The following ZNF354A variants were observed in gnomAD, a reference collection of about 807,000 sequenced individuals.
The protein encoded by ZNF354A is epididymis luminal protein 104.
A neutral mutation model predicts 53.3 loss-of-function variants in ZNF354A; 25 were observed. The observed-to-expected ratio is 0.47, with a 90% CI of 0.34 to 0.66. The LOEUF (loss-of-function observed/expected upper bound fraction) is 0.66, where lower values mean the gene tolerates loss of function less well. ZNF354A is among the 30% of genes least tolerant of loss of function. The pLI is 0.01. For missense variants in ZNF354A, 586 were observed against 716.8 expected (o/e 0.82, Z 2.08); for synonymous variants, 228 against 249.0 (o/e 0.92, Z 0.79).
At chr5:178,720,676 C>T (rs1006184742) in intron 4 of ZNF354A, among the ~76,000 whole-genome samples, 14 of 152,190 alleles carry the variant, frequency 9.2e-5, no homozygotes, top group Non-Finnish European at 1.5e-4. Context: ...TTTTAAGCCA[C>T]GAAGCTTGTG....
chr5:178,723,321 C>G (rs1426506587), intron 4 of ZNF354A, among the ~76,000 whole-genome samples: 2 of 152,150 alleles, frequency 1.3e-5, no homozygotes, highest in Admixed American at 6.5e-5. Flanking sequence ...GCACTGTGGC[C>G]GTCAGGTTCT....
At chr5:178,719,225 C>T (rs2113874085) in intron 4 of ZNF354A, among the ~76,000 whole-genome samples, 1 of 152,324 alleles carries the variant, frequency 6.6e-6, no homozygotes, top group East Asian at 1.9e-4. Context: ...TCCTAGGCAT[C>T]GGTGATCCAC....
chr5:178,721,688 C>T (rs553021325), intron 4 of ZNF354A, among the ~76,000 whole-genome samples: 2 of 152,216 alleles, frequency 1.3e-5, no homozygotes, highest in South Asian at 4.2e-4. Flanking sequence ...GTTCTAGGCC[C>T]CCAGTTCTTC....
chr5:178,723,798 C>T (rs566637277), intron 4 of ZNF354A, among the ~76,000 whole-genome samples: 1 of 152,100 alleles, frequency 6.6e-6, no homozygotes, highest in African/African-American at 2.4e-5. Context: ...CCAGAGCCCC[C>T]CCAGTTCAAC....
At chr5:178,721,469 G>A (rs752195027) in intron 4 of ZNF354A, among the ~76,000 whole-genome samples, 58 of 152,182 alleles carry the variant, frequency 3.8e-4, no homozygotes, top group Middle Eastern at 3.4e-3. Context: ...AACATTATGT[G>A]CTCCATGACA....
At chr5:178,728,799 AAG>A (rs1384372557) in intron 2 of ZNF354A, among the ~76,000 whole-genome samples, 189 bp downstream of exon 2, 1 of 145,870 alleles carries the variant, frequency 6.9e-6, no homozygotes, top group East Asian at 2.1e-4. Context: ...AAAAAAAAAA[AAG>A]AGAACCACTA....
chr5:178,712,429 T>A lies in ZNF354A; in HGVS notation c.1449A>T (p.Gln483His). The A allele has an allele frequency of 6.2e-7, 1 of 1,613,968 alleles. No individual in the cohort carries two copies. Among genetic ancestry groups the A allele is most frequent in the Non-Finnish European group, 8.5e-7 (1 of 1,179,888 alleles). The change falls in exon 5 of 5, where the codon CAA becomes CAT. Residue 483 changes from glutamine to histidine, a missense_variant. Physicochemically the swap from Gln to His is conservative, Grantham distance 24. Coordinates refer to ENST00000335815, the MANE Select transcript of ZNF354A (RefSeq NM_005649.3). ...KAFRQSSALIQHQRMHTGERP... is the reference protein window; with the variant it reads ...KAFRQSSALIHHQRMHTGERP... Reference sequence around the variant, plus strand: ...TTTCTCCAGTATGCATTCTCTGATGTTGAATGAGAGCTGAACTCTGTCTGA... The same window carrying A: ...TTTCTCCAGTATGCATTCTCTGATGATGAATGAGAGCTGAACTCTGTCTGA...
chr5:178,719,518 T>C (rs1765770066), intron 4 of ZNF354A, among the ~76,000 whole-genome samples: 1 of 152,206 alleles, frequency 6.6e-6, no homozygotes, highest in African/African-American at 2.4e-5. Context: ...CGCCATAGGC[T>C]AGATGAAGGG....
At chr5:178,726,679 A>G (rs1481487094) in intron 3 of ZNF354A, among the ~76,000 whole-genome samples, 1 of 89,042 alleles carries the variant, frequency 1.1e-5, no homozygotes, top group Non-Finnish European at 3.0e-5. Context: ...CTAGAGGCTG[A>G]ATGAAGCTCC....
intron 4 of ZNF354A, among the ~76,000 whole-genome samples, chr5:178,713,984 G>GT (rs35809830): frequency 0.017 from 2,439 of 141,582 alleles, 25 homozygotes; most frequent in African/African-American, 0.045. Flanking sequence ...ATTTTTTTTT[G>GT]TTTTTTTTTT....
At chr5:178,723,061 A>G (rs1193464505) in intron 4 of ZNF354A, among the ~76,000 whole-genome samples, 2 of 152,224 alleles carry the variant, frequency 1.3e-5, no homozygotes, top group Non-Finnish European at 2.9e-5. Flanking sequence ...CCTCGAATGA[A>G]GGGCAGAGTG....
intron 4 of ZNF354A, among the ~76,000 whole-genome samples, chr5:178,723,922 A>T (rs1765857548): frequency 6.6e-6 from 1 of 151,906 alleles, no homozygotes; most frequent in Non-Finnish European, 1.5e-5. Flanking sequence ...TGTTTCCTGA[A>T]ATTCGGGCCT....
chr5:178,723,112 G>A (rs897186034), intron 4 of ZNF354A, among the ~76,000 whole-genome samples: 32 of 152,318 alleles, frequency 2.1e-4, no homozygotes, highest in Non-Finnish European at 3.4e-4. Context: ...GCCAGACCAC[G>A]TAGTGTATTT....
intron 4 of ZNF354A, among the ~76,000 whole-genome samples, chr5:178,722,839 G>A (rs774323874): frequency 2.0e-5 from 3 of 152,244 alleles, no homozygotes; most frequent in Non-Finnish European, 4.4e-5. Context: ...GCACGGTGAG[G>A]AGATGGCGTG....
At chr5:178,721,316 C>T (rs982480965) in intron 4 of ZNF354A, among the ~76,000 whole-genome samples, 18 of 152,082 alleles carry the variant, frequency 1.2e-4, no homozygotes, top group African/African-American at 4.3e-4. Context: ...CAGCATGTTA[C>T]TTAGCTGAAT....
At chr5:178,716,963 C>T (rs1765725334) in intron 4 of ZNF354A, among the ~76,000 whole-genome samples, 1 of 150,356 alleles carries the variant, frequency 6.7e-6, no homozygotes, top group South Asian at 2.1e-4. Flanking sequence ...CCCATAATCC[C>T]AGGTACTCGG....
At chr5:178,721,534 T>C (rs537151054) in intron 4 of ZNF354A, among the ~76,000 whole-genome samples, 49 of 152,320 alleles carry the variant, frequency 3.2e-4, no homozygotes, top group African/African-American at 1.2e-3. Context: ...CTTTCTTAGA[T>C]AACAGTACTA....
intron 4 of ZNF354A, among the ~76,000 whole-genome samples, chr5:178,716,356 T>C (rs1476742765): frequency 6.6e-6 from 1 of 152,194 alleles, no homozygotes; most frequent in Non-Finnish European, 1.5e-5. Flanking sequence ...TTTATCCACC[T>C]GTCCTCACCC....
intron 4 of ZNF354A, among the ~76,000 whole-genome samples, chr5:178,724,264 G>C (rs868218352): frequency 1.3e-5 from 2 of 148,634 alleles, no homozygotes; most frequent in African/African-American, 5.0e-5. Context: ...TCACTCTGTC[G>C]CCAAGGCTGG....
Sources: gnomAD v4.1 joint callset for allele counts (sites outside exome capture counted in the v4.1 genomes callset) on GRCh38, gnomAD v4.1.1 for gene constraint, MANE v1.5 for transcripts, NCBI Gene and HGNC (gene_info 2026-07-23, HGNC 2026-07-21) for gene names.